SCFD2: variants seen among roughly 807,000 people sequenced by gnomAD.
The protein encoded by SCFD2 is sec1 family domain containing 2, also known as sec1 family domain-containing protein 2.
Under a neutral mutation model 58.9 loss-of-function variants are expected in SCFD2, and 54 were observed. That is an observed-to-expected ratio of 0.92 (90% confidence interval 0.74 to 1.15). The LOEUF (loss-of-function observed/expected upper bound fraction) is 1.15, where lower values mean the gene tolerates loss of function less well. Among genes scored for constraint, SCFD2 ranks in the 50% most tolerant of loss-of-function variants. The probability of loss-of-function intolerance (pLI) is 0.00; values close to 1 mark genes in which losing one functional copy is unlikely to be tolerated. For missense variants in SCFD2, 805 were observed against 836.6 expected (o/e 0.96, Z 0.47); for synonymous variants, 321 against 335.9 (o/e 0.96, Z 0.49).
chr4:53,218,690 T>C (rs533442382), intron 4 of SCFD2, among the ~76,000 whole-genome samples: 1 of 152,380 alleles, frequency 6.6e-6, no homozygotes, highest in Admixed American at 6.5e-5. Flanking sequence ...GGCGACGAGC[T>C]GCATTCCTTT....
intron 2 of SCFD2, among the ~76,000 whole-genome samples, chr4:53,342,844 G>C (rs1399977150): frequency 2.0e-5 from 3 of 152,264 alleles, no homozygotes; most frequent in Admixed American, 1.3e-4. Flanking sequence ...TGAACAACCT[G>C]CTCCTGAATG....
At chr4:53,306,300 T>G (rs996286376) in intron 3 of SCFD2, among the ~76,000 whole-genome samples, 1 of 152,094 alleles carries the variant, frequency 6.6e-6, no homozygotes, top group Non-Finnish European at 1.5e-5. Flanking sequence ...CAAAGATATC[T>G]ACAACCTTCT....
intron 3 of SCFD2, among the ~76,000 whole-genome samples, chr4:53,310,375 A>G (rs1414162704): frequency 6.6e-6 from 1 of 152,238 alleles, no homozygotes; most frequent in African/African-American, 2.4e-5. Context: ...AGAGAACTAT[A>G]GGACAGATAT....
intron 5 of SCFD2, among the ~76,000 whole-genome samples, chr4:53,054,414 C>T (rs1335779498): frequency 2.0e-5 from 3 of 152,126 alleles, no homozygotes; most frequent in Admixed American, 6.5e-5. Flanking sequence ...TATTAATCAG[C>T]TCTATACCCT....
chr4:53,239,689 C>G (rs1226679092), intron 4 of SCFD2, among the ~76,000 whole-genome samples: 1 of 152,044 alleles, frequency 6.6e-6, no homozygotes. Context: ...TTTCCATGTT[C>G]GTCAGGCTGG....
At chr4:53,177,060 T>C (rs1446673209) in intron 4 of SCFD2, among the ~76,000 whole-genome samples, 1 of 152,250 alleles carries the variant, frequency 6.6e-6, no homozygotes, top group Non-Finnish European at 1.5e-5. Context: ...TGTTCCCTTT[T>C]TGTTAGCTTT....
intron 7 of SCFD2, among the ~76,000 whole-genome samples, chr4:52,903,683 A>C (rs1288151735): frequency 6.6e-6 from 1 of 152,216 alleles, no homozygotes; most frequent in Non-Finnish European, 1.5e-5. Flanking sequence ...AAATAAGAAA[A>C]CATTTAAATC....
At chr4:53,299,886 C>T (rs149381933) in intron 3 of SCFD2, among the ~76,000 whole-genome samples, 2,551 of 152,286 alleles carry the variant, frequency 0.017, 79 homozygotes, top group African/African-American at 0.058. Context: ...CCTTTACACA[C>T]AAGCAAATGC....
intron 3 of SCFD2, among the ~76,000 whole-genome samples, chr4:53,311,697 G>A (rs1244234546): frequency 5.9e-5 from 9 of 151,370 alleles, no homozygotes; most frequent in South Asian, 4.2e-4. Context: ...GTGCAGTGGC[G>A]CAATCTCAGC....
At chr4:53,323,530 A>ATT (rs1201482656) in intron 2 of SCFD2, among the ~76,000 whole-genome samples, 3,833 of 106,656 alleles carry the variant, frequency 0.036, 158 homozygotes, top group East Asian at 0.13. Context: ...TGCCCAGCTA[A>ATT]TTTTTTTTTT....
At chr4:53,217,819 CT>C in intron 4 of SCFD2, among the ~76,000 whole-genome samples, 1 of 152,236 alleles carries the variant, frequency 6.6e-6, no homozygotes, top group South Asian at 2.1e-4. Flanking sequence ...CCTTCAGGAG[CT>C]CTTTTAGGGC....
At chr4:52,922,511 T>C (rs1719764890) in intron 5 of SCFD2, among the ~76,000 whole-genome samples, 1 of 152,226 alleles carries the variant, frequency 6.6e-6, no homozygotes, top group African/African-American at 2.4e-5. Flanking sequence ...AGTTGTAGCA[T>C]TAATACTTCA....
intron 1 of SCFD2, among the ~76,000 whole-genome samples, chr4:53,361,995 T>C (rs1734560597): frequency 6.6e-6 from 1 of 152,154 alleles, no homozygotes; most frequent in Non-Finnish European, 1.5e-5. Flanking sequence ...TGCTGGTTAA[T>C]AAACAGTAAA....
At chr4:53,092,936 G>A (rs990854542) in intron 5 of SCFD2, among the ~76,000 whole-genome samples, 9 of 152,122 alleles carry the variant, frequency 5.9e-5, no homozygotes, top group African/African-American at 1.7e-4. Flanking sequence ...ATAGGTTGGT[G>A]AGAAAGGCTG....
Position 52,890,521 on chromosome 4 carries a change from C to T in SCFD2, c.1843-4655G>A, listed in dbSNP as rs550202162. On this transcript the variant is annotated intron_variant, in intron 7 of 8. Coordinates refer to ENST00000401642, the MANE Select transcript of SCFD2 (RefSeq NM_152540.4). ...CCTTTTCCATCAGAATAACACATTC[C>T]TTATAATCAGCCATACATGACTGAG... 8.1e-4 allele frequency among the ~76,000 whole-genome samples: 123 copies of T among 152,282 alleles called. 1 individual carries two copies. Among genetic ancestry groups the T allele is most frequent in the African/African-American group, 2.8e-3 (116 of 41,560 alleles).
intron 4 of SCFD2, among the ~76,000 whole-genome samples, chr4:53,222,124 G>C (rs759796206): frequency 6.6e-6 from 1 of 152,098 alleles, no homozygotes. Flanking sequence ...CATCTCATCT[G>C]GATTATGTCT....
intron 4 of SCFD2, among the ~76,000 whole-genome samples, chr4:53,156,553 C>T (rs577839532): frequency 6.6e-6 from 1 of 152,124 alleles, no homozygotes; most frequent in Non-Finnish European, 1.5e-5. Flanking sequence ...AAAAAATTAG[C>T]CGGGTGTGGT....
intron 5 of SCFD2, among the ~76,000 whole-genome samples, chr4:53,052,718 G>T (rs180932943): frequency 1.3e-5 from 2 of 152,216 alleles, no homozygotes; most frequent in African/African-American, 4.8e-5. Flanking sequence ...TCTGTTCTTG[G>T]TTCACTTTCA....
intron 5 of SCFD2, among the ~76,000 whole-genome samples, chr4:52,922,804 G>A (rs756057197): frequency 6.6e-6 from 1 of 152,170 alleles, no homozygotes; most frequent in African/African-American, 2.4e-5. Context: ...CAAACTGATT[G>A]CACTATTTTA....
Sources: allele counts gnomAD v4.1 joint callset (sites outside exome capture counted in the v4.1 genomes callset), GRCh38; gene constraint gnomAD v4.1.1; transcripts MANE v1.5; gene names NCBI Gene and HGNC (gene_info 2026-07-23, HGNC 2026-07-21).